Variants in LRRC28 observed in about 807,000 individuals in gnomAD.
The protein encoded by LRRC28 is leucine rich repeat containing 28.
LRRC28 carries 39 observed loss-of-function variants against 45.7 expected under a neutral mutation model. The observed-to-expected ratio is 0.85, with a 90% CI of 0.66 to 1.12. LRRC28 has a LOEUF of 1.12. Among genes scored for constraint, LRRC28 ranks in the 50% most tolerant of loss-of-function variants. The probability of loss-of-function intolerance (pLI) is 0.00; values close to 1 mark genes in which losing one functional copy is unlikely to be tolerated. For synonymous variants in LRRC28, 206 were observed against 178.8 expected (o/e 1.15, Z -1.22); for missense variants, 435 against 438.5 (o/e 0.99, Z 0.07).
chr15:99,359,177 T>G (rs758735794), intron 7 of LRRC28, among the ~76,000 whole-genome samples: 1 of 151,978 alleles, frequency 6.6e-6, no homozygotes, highest in Non-Finnish European at 1.5e-5. Context: ...CTTAAGAAAT[T>G]CAGAAAAATG....
At chr15:99,293,059 G>A (rs920155492) in intron 5 of LRRC28, among the ~76,000 whole-genome samples, 20 of 152,110 alleles carry the variant, frequency 1.3e-4, no homozygotes, top group Admixed American at 2.6e-4. Flanking sequence ...ATGTTTTAGT[G>A]TTCTGCTTTA....
In LRRC28 at chr15:99,291,147, A is replaced by G. The variant is rs371764379; in HGVS notation, c.385+3196A>G. On this transcript the variant is annotated intron_variant, in intron 5 of 9. Coordinates refer to ENST00000301981, the MANE Select transcript of LRRC28 (RefSeq NM_144598.5). ...TTGACTGCTTCTTAATAACCAGTGA[A>G]GGGTATATGTTTTGTGACTACTTTC... is the stretch of plus-strand genomic sequence containing the variant. Among the ~76,000 whole-genome samples the G allele has an allele frequency of 7.2e-5, 11 of 152,318 alleles. No individual in the cohort carries two copies. In the East Asian group the frequency reaches 1.3e-3, roughly 19 times the overall value.
intron 9 of LRRC28, among the ~76,000 whole-genome samples, chr15:99,382,979 A>G (rs772645729): frequency 2.0e-5 from 3 of 152,092 alleles, no homozygotes; most frequent in Non-Finnish European, 4.4e-5. Context: ...TAATTCACGT[A>G]TCATACAATT....
At chr15:99,347,057 C>A (rs1022761270) in intron 6 of LRRC28, among the ~76,000 whole-genome samples, 2 of 152,158 alleles carry the variant, frequency 1.3e-5, no homozygotes, top group Non-Finnish European at 2.9e-5. Flanking sequence ...TAACAAAATT[C>A]TGTAATACAG....
intron 5 of LRRC28, among the ~76,000 whole-genome samples, chr15:99,305,373 T>C (rs1955145665): frequency 6.6e-6 from 1 of 152,240 alleles, no homozygotes; most frequent in Non-Finnish European, 1.5e-5. Context: ...TAAACTCTGA[T>C]ATTTAAATAC....
intron 2 of LRRC28, among the ~76,000 whole-genome samples, chr15:99,263,591 A>C (rs1386389800): frequency 6.6e-6 from 1 of 152,238 alleles, no homozygotes; most frequent in Non-Finnish European, 1.5e-5. Flanking sequence ...TTCCAGACTG[A>C]GAGCTTTCAA....
intron 5 of LRRC28, among the ~76,000 whole-genome samples, chr15:99,325,675 A>C (rs1033704948): frequency 6.6e-5 from 10 of 152,168 alleles, no homozygotes; most frequent in Admixed American, 6.6e-4. Context: ...GATTTTGTGA[A>C]ATGCTTTATT....
chr15:99,283,473 G>T (rs1383140271), intron 3 of LRRC28, among the ~76,000 whole-genome samples: 4 of 151,328 alleles, frequency 2.6e-5, no homozygotes, highest in Middle Eastern at 3.4e-3. Context: ...AAAATTAGCC[G>T]GGTGTGGTGG....
At chr15:99,374,714 G>A (rs866017228) in intron 9 of LRRC28, among the ~76,000 whole-genome samples, 3 of 149,974 alleles carry the variant, frequency 2.0e-5, no homozygotes, top group African/African-American at 2.5e-5. Flanking sequence ...TTACTCTGTC[G>A]CCCAGGCTGG....
intron 9 of LRRC28, among the ~76,000 whole-genome samples, chr15:99,371,286 A>G (rs778577262): frequency 2.6e-5 from 4 of 152,190 alleles, no homozygotes; most frequent in Non-Finnish European, 4.4e-5. Flanking sequence ...ATGGGCTTCA[A>G]TCAGGCCACT....
chr15:99,365,917 G>A (rs1236221096), intron 9 of LRRC28, among the ~76,000 whole-genome samples: 1 of 152,176 alleles, frequency 6.6e-6, no homozygotes, highest in Admixed American at 6.5e-5. Context: ...TGTAGGCATA[G>A]CAAATTTTCA....
At chr15:99,332,187 T>C (rs1243335755) in intron 5 of LRRC28, among the ~76,000 whole-genome samples, 1 of 152,196 alleles carries the variant, frequency 6.6e-6, no homozygotes, top group African/African-American at 2.4e-5. Context: ...AGCATTTTTG[T>C]TTTGTGAAAG....
chr15:99,284,574 C>G (rs1232950675), intron 3 of LRRC28: 2 of 466,600 alleles, frequency 4.3e-6, no homozygotes, highest in Non-Finnish European at 8.6e-6. Context: ...TTCCCTGTCA[C>G]TTCTCTTGCT....
chr15:99,287,978 G>T (rs1299440109), intron 5 of LRRC28, 27 bp downstream of exon 5: 2 of 1,582,756 alleles, frequency 1.3e-6, no homozygotes, highest in Non-Finnish European at 8.6e-7. Flanking sequence ...GCACACTATA[G>T]TTTCTTGTCT....
intron 2 of LRRC28, among the ~76,000 whole-genome samples, chr15:99,267,384 C>T (rs969985247): frequency 2.0e-5 from 3 of 152,152 alleles, no homozygotes; most frequent in African/African-American, 7.2e-5. Flanking sequence ...CAGCCAAGTG[C>T]GGTAGGAGAA....
chr15:99,300,472 G>A (rs1443298540), intron 5 of LRRC28, among the ~76,000 whole-genome samples: 7 of 150,894 alleles, frequency 4.6e-5, no homozygotes, highest in African/African-American at 1.5e-4. Context: ...TTGTTTACAG[G>A]CTATGAAAAT....
At chr15:99,256,387 G>A (rs1286581600) in intron 2 of LRRC28, 1 of 252,762 alleles carries the variant, frequency 4.0e-6, no homozygotes, top group African/African-American at 2.2e-5. Flanking sequence ...TACCCATTCA[G>A]AAACCCATCT....
intron 4 of LRRC28, 37 bp from the exon 5 acceptor site, chr15:99,287,777 G>A (rs774097149): frequency 1.3e-6 from 2 of 1,563,716 alleles, no homozygotes; most frequent in South Asian, 1.2e-5. Context: ...TAATACTTGA[G>A]TCAAATTCAT....
chr15:99,313,296 A>G (rs919628418), intron 5 of LRRC28, among the ~76,000 whole-genome samples: 1 of 152,106 alleles, frequency 6.6e-6, no homozygotes, highest in Non-Finnish European at 1.5e-5. Flanking sequence ...AGAAAATGAC[A>G]TCTGGCTCAC....
Sources: allele counts gnomAD v4.1 joint callset (sites outside exome capture counted in the v4.1 genomes callset), GRCh38; gene constraint gnomAD v4.1.1; transcripts MANE v1.5; gene names NCBI Gene and HGNC (gene_info 2026-07-23, HGNC 2026-07-21).